NDUFAF2: variants seen among roughly 807,000 people sequenced by gnomAD.
NDUFAF2 encodes NADH dehydrogenase [ubiquinone] 1 alpha subcomplex assembly factor 2.
Under a neutral mutation model 22.8 loss-of-function variants are expected in NDUFAF2, and 13 were observed. That is an observed-to-expected ratio of 0.57 (90% CI 0.37 to 0.91). The LOEUF (loss-of-function observed/expected upper bound fraction) is 0.91, where lower values mean the gene tolerates loss of function less well. Among genes scored for constraint, NDUFAF2 ranks in the 40% least tolerant of loss-of-function variants. NDUFAF2 has a pLI of 0.01. For synonymous variants in NDUFAF2, 53 were observed against 64.2 expected, an observed-to-expected ratio of 0.83 and a Z score of 0.84; for missense variants, 162 against 195.2, an observed-to-expected ratio of 0.83 and a Z score of 1.01.
intron 3 of NDUFAF2, among the ~76,000 whole-genome samples, chr5:61,141,511 CA>C (rs1441657069): frequency 6.6e-6 from 1 of 152,032 alleles, no homozygotes; most frequent in Non-Finnish European, 1.5e-5. Context: ...AAGCATTAGC[CA>C]CATAATTGGC....
chr5:61,145,773 C>T (rs768001129), intron 3 of NDUFAF2: 23 of 152,116 alleles, frequency 1.5e-4, no homozygotes, highest in Non-Finnish European at 3.1e-4. Flanking sequence ...TTTGACACAC[C>T]GATTTTGATA....
In NDUFAF2 at chr5:61,130,662, T is replaced by C. The variant is rs1423501313; in HGVS notation, c.259-22042T>C. Reference sequence around the variant, plus strand: ...TACTTCTTATAGTGAAGGGTTTGTTTGATTCCCTTAATATTCATTTGATCT... The same window carrying C: ...TACTTCTTATAGTGAAGGGTTTGTTCGATTCCCTTAATATTCATTTGATCT... On this transcript the variant is annotated intron_variant, in intron 3 of 3. Transcript: ENST00000296597. 2.0e-5 allele frequency among the ~76,000 whole-genome samples: 3 copies of C among 152,242 alleles called. No individual in the cohort carries two copies. The South Asian group carries it at 6.2e-4, about 32-fold the overall frequency.
intron 3 of NDUFAF2, among the ~76,000 whole-genome samples, chr5:61,138,688 G>A (rs936849919): frequency 6.6e-6 from 1 of 152,174 alleles, no homozygotes; most frequent in Non-Finnish European, 1.5e-5. Context: ...ATTGAAACAA[G>A]GCAAACCTTC....
intron 3 of NDUFAF2, among the ~76,000 whole-genome samples, chr5:61,129,108 C>T (rs1279872406): frequency 1.3e-5 from 2 of 152,074 alleles, no homozygotes; most frequent in African/African-American, 2.4e-5. Flanking sequence ...ATTATCACAC[C>T]AGTTAGAATG....
At position 60,982,643 on chromosome 5, in the gene NDUFAF2, T is replaced by C. The variant is rs557121027; in HGVS notation, c.127+37261T>C. ...CAGTTCCCACCTATGAGTGGGAACA[T>C]GCGGTGTTTGGTCTTTTGTCCTTGC... On this transcript the variant is annotated intron_variant, in intron 1 of 3. Coordinates refer to ENST00000296597, the MANE Select transcript of NDUFAF2 (RefSeq NM_174889.5). Among the ~76,000 whole-genome samples the C allele has an allele frequency of 9.0e-4, 133 of 147,546 alleles. 3 individuals are homozygous for C. The South Asian group carries it at 0.028, about 31-fold the overall frequency.
intron 2 of NDUFAF2, among the ~76,000 whole-genome samples, chr5:61,079,607 TTA>T (rs1752415586): frequency 3.9e-5 from 6 of 152,296 alleles, no homozygotes; most frequent in Admixed American, 3.9e-4. Context: ...ATAGAAAAGA[TTA>T]GAGAGAATAT....
At chr5:60,952,984 C>T (rs1262180352) in intron 1 of NDUFAF2, among the ~76,000 whole-genome samples, 1 of 151,880 alleles carries the variant, frequency 6.6e-6, no homozygotes, top group Non-Finnish European at 1.5e-5. Context: ...TGTGGGATAC[C>T]CCCAAGTGGC....
chr5:61,030,557 T>G (rs1206117334), intron 1 of NDUFAF2, among the ~76,000 whole-genome samples: 1 of 152,116 alleles, frequency 6.6e-6, no homozygotes, highest in Non-Finnish European at 1.5e-5. Context: ...TTTAGGTCTT[T>G]TATATATAAA....
intron 1 of NDUFAF2, among the ~76,000 whole-genome samples, chr5:61,031,283 C>T (rs1005074549): frequency 6.6e-6 from 1 of 152,034 alleles, no homozygotes; most frequent in Admixed American, 6.6e-5. Context: ...TTAGACATTT[C>T]TTGTAATGCT....
chr5:61,001,565 A>G (rs1751295964), intron 1 of NDUFAF2, among the ~76,000 whole-genome samples: 2 of 152,282 alleles, frequency 1.3e-5, no homozygotes, highest in South Asian at 4.1e-4. Flanking sequence ...CTGAATCCTT[A>G]TTAAATGTAG....
chr5:60,970,318 A>G (rs1750810724), intron 1 of NDUFAF2, among the ~76,000 whole-genome samples: 1 of 152,212 alleles, frequency 6.6e-6, no homozygotes, highest in Non-Finnish European at 1.5e-5. Context: ...TTTGGATAGT[A>G]TGGACAGTTT....
chr5:60,946,160 C>G (rs902276846), intron 1 of NDUFAF2, among the ~76,000 whole-genome samples: 1 of 152,144 alleles, frequency 6.6e-6, no homozygotes, highest in Non-Finnish European at 1.5e-5. Flanking sequence ...GCCGTCGTAA[C>G]CTCTTCTGTG....
intron 1 of NDUFAF2, among the ~76,000 whole-genome samples, chr5:61,070,343 C>T (rs1752279885): frequency 6.6e-6 from 1 of 151,958 alleles, no homozygotes; most frequent in African/African-American, 2.4e-5. Context: ...GCATAAATTC[C>T]ATTCCCAATT....
intron 3 of NDUFAF2, among the ~76,000 whole-genome samples, chr5:61,106,208 A>G (rs1363717743): frequency 6.6e-6 from 1 of 151,394 alleles, no homozygotes; most frequent in Admixed American, 6.6e-5. Flanking sequence ...TACATGGTCT[A>G]AAGGCATTTC....
At chr5:61,135,456 A>T (rs1740911345) in intron 3 of NDUFAF2, among the ~76,000 whole-genome samples, 1 of 152,160 alleles carries the variant, frequency 6.6e-6, no homozygotes, top group South Asian at 2.1e-4. Context: ...AGAAATACTA[A>T]CCAAAACAAT....
intron 1 of NDUFAF2, among the ~76,000 whole-genome samples, chr5:61,046,788 G>C (rs1234635381): frequency 6.6e-6 from 1 of 152,076 alleles, no homozygotes; most frequent in Non-Finnish European, 1.5e-5. Flanking sequence ...TATTCTTTGT[G>C]GATCCAAGCT....
chr5:61,047,656 A>T (rs1274691664), intron 1 of NDUFAF2, among the ~76,000 whole-genome samples: 1 of 152,124 alleles, frequency 6.6e-6, no homozygotes, highest in Non-Finnish European at 1.5e-5. Context: ...TTAAACTGTG[A>T]TGAGACTCTT....
chr5:61,073,643 T>A (rs1752330413), intron 2 of NDUFAF2, among the ~76,000 whole-genome samples: 1 of 152,226 alleles, frequency 6.6e-6, no homozygotes. Flanking sequence ...TTGCTGTAGA[T>A]ACCATTTGGA....
chr5:61,146,767 A>G (rs768671264), intron 3 of NDUFAF2, among the ~76,000 whole-genome samples: 2 of 152,184 alleles, frequency 1.3e-5, no homozygotes, highest in African/African-American at 2.4e-5. Context: ...GACCACATGT[A>G]TATCAGACTG....
Sources: gnomAD v4.1 joint callset for allele counts (sites outside exome capture counted in the v4.1 genomes callset) on GRCh38, gnomAD v4.1.1 for gene constraint, MANE v1.5 for transcripts, NCBI Gene and HGNC (gene_info 2026-07-23, HGNC 2026-07-21) for gene names.